Variants in THSD7A observed in about 807,000 individuals in gnomAD.
THSD7A encodes thrombospondin type 1 domain containing 7A.
In THSD7A, 96 loss-of-function variants were observed where a neutral mutation model predicts 231.3. The observed-to-expected ratio is 0.41, with a 90% CI of 0.35 to 0.49. The LOEUF (loss-of-function observed/expected upper bound fraction) is 0.49, where lower values mean the gene tolerates loss of function less well. Ranked by LOEUF, THSD7A falls within the 20% of genes least tolerant of loss-of-function variation. The pLI, the probability that THSD7A is intolerant of heterozygous loss-of-function variation, is 0.05. For synonymous variants in THSD7A, 940 were observed against 743.3 expected, an observed-to-expected ratio of 1.26 and a Z score of -4.30; for missense variants, 2,290 against 2,070.2, an observed-to-expected ratio of 1.11 and a Z score of -2.06.
intron 1 of THSD7A, among the ~76,000 whole-genome samples, chr7:11,757,766 T>C (rs1352680722): frequency 6.6e-6 from 1 of 151,864 alleles, no homozygotes; most frequent in East Asian, 1.9e-4. Context: ...AGAGTAAATA[T>C]CTTTAATGGG....
intron 2 of THSD7A, 133 bp from the exon 3 acceptor site, chr7:11,593,635 A>G: frequency 2.8e-6 from 3 of 1,073,912 alleles, no homozygotes; most frequent in Non-Finnish European, 2.7e-6. Context: ...CATCGAAAAT[A>G]CATCAACATT....
intron 1 of THSD7A, among the ~76,000 whole-genome samples, chr7:11,817,835 A>C (rs971803821): frequency 1.3e-5 from 2 of 152,168 alleles, no homozygotes; most frequent in African/African-American, 2.4e-5. Context: ...GTCAAAATTC[A>C]TGCACTTCTG....
At position 11,711,043 on chromosome 7, in the gene THSD7A, A is replaced by G. The variant is rs1780944055; in HGVS notation, c.191-74082T>C. The stretch of plus-strand genomic sequence containing the variant: ...GAGTGAGCAAAGAAGGAAAATGCAT[A>G]TTATGTCCTTTGTAGATATAGCTTA... On this transcript the variant is annotated intron_variant, in intron 1 of 27. Transcript: ENST00000423059. Among the ~76,000 whole-genome samples the G allele has an allele frequency of 2.0e-5, 3 of 150,928 alleles. No individual in the cohort carries two copies. The South Asian group carries it at 6.2e-4, about 31-fold the overall frequency.
At chr7:11,624,168 G>A (rs901330171) in intron 2 of THSD7A, among the ~76,000 whole-genome samples, 1 of 151,932 alleles carries the variant, frequency 6.6e-6, no homozygotes, top group African/African-American at 2.4e-5. Context: ...TTGTCTATGT[G>A]GTCTCAATGC....
chr7:11,801,988 A>G (rs1784290263), intron 1 of THSD7A, among the ~76,000 whole-genome samples: 1 of 152,338 alleles, frequency 6.6e-6, no homozygotes, highest in East Asian at 1.9e-4. Flanking sequence ...AAGTATTTCA[A>G]TATGATGTTA....
chr7:11,764,430 A>T (rs1239255518), intron 1 of THSD7A, among the ~76,000 whole-genome samples: 1 of 152,020 alleles, frequency 6.6e-6, no homozygotes, highest in Admixed American at 6.6e-5. Context: ...AAATACAAAA[A>T]ATTAGCCAGG....
At chr7:11,487,214 G>A (rs532864098) in intron 6 of THSD7A, among the ~76,000 whole-genome samples, 4 of 151,886 alleles carry the variant, frequency 2.6e-5, no homozygotes, top group African/African-American at 7.2e-5. Context: ...CTTTTTATTC[G>A]ACTGTATCTC....
chr7:11,401,260 T>G (rs992824148), intron 23 of THSD7A, among the ~76,000 whole-genome samples: 2 of 152,180 alleles, frequency 1.3e-5, no homozygotes, highest in South Asian at 4.1e-4. Flanking sequence ...TATCTCAGCC[T>G]TCTTGAGCTC....
intron 6 of THSD7A, among the ~76,000 whole-genome samples, chr7:11,493,940 A>C (rs577549002): frequency 3.5e-4 from 53 of 152,112 alleles, no homozygotes; most frequent in African/African-American, 1.2e-3. Flanking sequence ...AATAAAATAC[A>C]ATTACTGCTC....
chr7:11,442,763 T>C (rs1012395249), intron 13 of THSD7A, among the ~76,000 whole-genome samples: 5 of 152,048 alleles, frequency 3.3e-5, no homozygotes, highest in African/African-American at 9.7e-5. Flanking sequence ...AAAATATCAA[T>C]TGGACATTCC....
intron 6 of THSD7A, among the ~76,000 whole-genome samples, chr7:11,525,632 T>C (rs569436549): frequency 1.3e-5 from 2 of 152,278 alleles, no homozygotes; most frequent in South Asian, 4.1e-4. Flanking sequence ...GTCAGAAGTG[T>C]ATATGTATAA....
At chr7:11,472,893 A>T (rs1341029522) in intron 8 of THSD7A, among the ~76,000 whole-genome samples, 1 of 152,138 alleles carries the variant, frequency 6.6e-6, no homozygotes, top group Non-Finnish European at 1.5e-5. Context: ...TGCGTAGTGA[A>T]TATTTCTACC....
chr7:11,727,873 G>T (rs1781601175), intron 1 of THSD7A, among the ~76,000 whole-genome samples: 1 of 151,764 alleles, frequency 6.6e-6, no homozygotes, highest in African/African-American at 2.4e-5. Context: ...TTAGTTATCG[G>T]TATCTCATTC....
At chr7:11,588,946 G>C (rs890986679) in intron 4 of THSD7A, among the ~76,000 whole-genome samples, 2 of 152,206 alleles carry the variant, frequency 1.3e-5, no homozygotes, top group African/African-American at 4.8e-5. Flanking sequence ...GCTGTGTAAA[G>C]TTAGTGGATA....
At chr7:11,813,914 G>T (rs936337482) in intron 1 of THSD7A, among the ~76,000 whole-genome samples, 6 of 151,984 alleles carry the variant, frequency 3.9e-5, no homozygotes, top group African/African-American at 1.4e-4. Flanking sequence ...ATAGCCAAAA[G>T]GTAGGAACAA....
At chr7:11,407,108 CAT>C in intron 20 of THSD7A, 53 bp from the exon 21 acceptor site, 1 of 1,593,166 alleles carries the variant, frequency 6.3e-7, no homozygotes, top group East Asian at 2.3e-5. Context: ...GTTTTGCAAG[CAT>C]ATATCTCATT....
intron 6 of THSD7A, among the ~76,000 whole-genome samples, chr7:11,486,734 T>G (rs902814400): frequency 6.6e-6 from 1 of 152,198 alleles, no homozygotes; most frequent in African/African-American, 2.4e-5. Flanking sequence ...TTGGCATACA[T>G]TTACAAACAT....
chr7:11,577,761 G>A (rs1045875739), intron 4 of THSD7A, among the ~76,000 whole-genome samples: 7 of 151,984 alleles, frequency 4.6e-5, no homozygotes, highest in East Asian at 1.9e-4. Flanking sequence ...ATGGAACAGC[G>A]TGGCATTCCA....
chr7:11,704,838 G>A (rs2128146160), intron 1 of THSD7A, among the ~76,000 whole-genome samples: 1 of 151,110 alleles, frequency 6.6e-6, no homozygotes, highest in Admixed American at 6.6e-5. Context: ...TTGCCAAGTT[G>A]TGTGGTGGTT....
Sources: gnomAD v4.1 joint callset for allele counts (sites outside exome capture counted in the v4.1 genomes callset) on GRCh38, gnomAD v4.1.1 for gene constraint, MANE v1.5 for transcripts, NCBI Gene and HGNC (gene_info 2026-07-23, HGNC 2026-07-21) for gene names.